The following CACHD1 variants were observed in gnomAD, a reference collection of about 807,000 sequenced individuals.
The protein encoded by CACHD1 is cache domain containing 1.
A neutral mutation model predicts 138.7 loss-of-function variants in CACHD1; 71 were observed. The ratio of observed to expected loss-of-function variants is 0.51; its 90% confidence interval spans 0.42 to 0.62. The LOEUF is 0.62. Ranked by LOEUF, CACHD1 falls within the 20% of genes least tolerant of loss-of-function variation. The pLI, the probability that CACHD1 is intolerant of heterozygous loss-of-function variation, is 0.00. For synonymous variants in CACHD1, 578 were observed against 591.5 expected (o/e 0.98, Z 0.33); for missense variants, 1,389 against 1,625.3 (o/e 0.85, Z 2.50).
intron 3 of CACHD1, among the ~76,000 whole-genome samples, chr1:64,599,062 A>G (rs926596050): frequency 5.3e-5 from 8 of 152,066 alleles, no homozygotes; most frequent in African/African-American, 1.9e-4. Flanking sequence ...CCTGTCACTG[A>G]GGTCACAGTG....
At chr1:64,494,171 T>C (rs1214394444) in intron 1 of CACHD1, among the ~76,000 whole-genome samples, 1 of 152,242 alleles carries the variant, frequency 6.6e-6, no homozygotes, top group African/African-American at 2.4e-5. Context: ...CCCACTTCTC[T>C]GAGCCCTAGT....
intron 1 of CACHD1, among the ~76,000 whole-genome samples, chr1:64,549,130 G>T (rs768777644): frequency 6.6e-6 from 1 of 152,140 alleles, no homozygotes; most frequent in Non-Finnish European, 1.5e-5. Context: ...TATCTGGATT[G>T]CCCTAGGCAC....
chr1:64,599,890 A>G (rs1459652518), intron 3 of CACHD1, among the ~76,000 whole-genome samples: 1 of 152,166 alleles, frequency 6.6e-6, no homozygotes, highest in African/African-American at 2.4e-5. Flanking sequence ...GACTTCATCC[A>G]GATAGACAAA....
At chr1:64,536,787 G>A (rs1041943674) in intron 1 of CACHD1, among the ~76,000 whole-genome samples, 1 of 152,182 alleles carries the variant, frequency 6.6e-6, no homozygotes, top group Non-Finnish European at 1.5e-5. Context: ...TTTAATACCA[G>A]CTACATTTAA....
chr1:64,678,019 A>T, intron 22 of CACHD1, 140 bp from the exon 23 acceptor site: 2 of 779,550 alleles, frequency 2.6e-6, no homozygotes, highest in Non-Finnish European at 3.9e-6. Flanking sequence ...CTCATTTTAT[A>T]AGGAAAGGAA....
chr1:64,527,729 T>A (rs1365265672), intron 1 of CACHD1, among the ~76,000 whole-genome samples: 1 of 152,232 alleles, frequency 6.6e-6, no homozygotes, highest in Admixed American at 6.5e-5. Context: ...AATATACAAA[T>A]CTATAAAAAG....
chr1:64,591,021 T>G (rs1647096165), intron 3 of CACHD1, among the ~76,000 whole-genome samples: 1 of 152,188 alleles, frequency 6.6e-6, no homozygotes, highest in East Asian at 1.9e-4. Flanking sequence ...TAGAAGTTTG[T>G]TTGGTTGTTT....
Position 64,586,166 on chromosome 1 carries a change from C to T in CACHD1, c.410+3862C>T, listed in dbSNP as rs532314728. Among the ~76,000 whole-genome samples, 18 of 152,276 alleles carry T rather than the reference C, an allele frequency of 1.2e-4. No individual in the cohort carries two copies. The South Asian group carries it at 1.2e-3, about 11-fold the overall frequency. ...TCAGCCTCCATCTACCAGGCTCAAG[C>T]GCTTCTCACGCCTCAGTCTCCCAAG... is the stretch of plus-strand genomic sequence containing the variant. On this transcript the variant is annotated intron_variant, in intron 3 of 26. Coordinates refer to ENST00000651257, the MANE Select transcript of CACHD1 (RefSeq NM_020925.4).
At chr1:64,514,664 CAGTA>C (rs749720589) in intron 1 of CACHD1, among the ~76,000 whole-genome samples, 4 of 152,142 alleles carry the variant, frequency 2.6e-5, no homozygotes, top group Non-Finnish European at 4.4e-5. Flanking sequence ...TAGTCTCCAG[CAGTA>C]GTTTAGCTTT....
chr1:64,549,063 T>C (rs1004821882), intron 1 of CACHD1, among the ~76,000 whole-genome samples: 11 of 152,188 alleles, frequency 7.2e-5, no homozygotes, highest in African/African-American at 2.7e-4. Flanking sequence ...TTTTTCATCT[T>C]TAAAGCTACA....
chr1:64,585,201 C>T (rs1647042603), intron 3 of CACHD1, among the ~76,000 whole-genome samples: 1 of 152,156 alleles, frequency 6.6e-6, no homozygotes. Flanking sequence ...GACATACATA[C>T]ACACATGCAT....
intron 16 of CACHD1, among the ~76,000 whole-genome samples, chr1:64,667,852 C>T (rs758324051): frequency 9.9e-5 from 15 of 152,150 alleles, no homozygotes; most frequent in Admixed American, 6.5e-4. Context: ...TCTGTCTAGA[C>T]ATATTCTTTT....
At chr1:64,527,596 T>G (rs74082820) in intron 1 of CACHD1, among the ~76,000 whole-genome samples, 3,942 of 152,258 alleles carry the variant, frequency 0.026, 177 homozygotes, top group African/African-American at 0.089. Context: ...TCCTGAAAAT[T>G]TTATATTCTT....
Position 64,593,078 on chromosome 1 carries a change from A to T in CACHD1, c.411-9728A>T, listed in dbSNP as rs1246116410. ...AAAGAAAACTTTTAGGAGAAAAATG[A>T]TGGATCCAGTATAAACATGCTGATT... On this transcript the variant is annotated intron_variant, in intron 3 of 26. Coordinates refer to ENST00000651257, the MANE Select transcript of CACHD1 (RefSeq NM_020925.4). Among the ~76,000 whole-genome samples the T allele has an allele frequency of 2.0e-5, 3 of 152,216 alleles. No individual in the cohort carries two copies. In the East Asian group the frequency reaches 5.8e-4, roughly 29 times the overall value.
At chr1:64,566,766 C>T (rs17126690) in intron 2 of CACHD1, among the ~76,000 whole-genome samples, 91,573 of 151,262 alleles carry the variant, frequency 0.61, 30,187 homozygotes, top group Non-Finnish European at 0.72. Context: ...AAAGCTGAAT[C>T]TGAATTTCTT....
chr1:64,665,818 C>T (rs1649611166), intron 15 of CACHD1, among the ~76,000 whole-genome samples: 1 of 151,888 alleles, frequency 6.6e-6, no homozygotes, highest in Non-Finnish European at 1.5e-5. Flanking sequence ...AGATCGAGAC[C>T]ACGGTGAAAC....
intron 1 of CACHD1, among the ~76,000 whole-genome samples, chr1:64,536,929 G>T (rs754974593): frequency 6.6e-6 from 1 of 152,244 alleles, no homozygotes; most frequent in East Asian, 1.9e-4. Flanking sequence ...TGAAATTCCC[G>T]TGAGGAAACA....
chr1:64,668,261 A>G (rs1207078814), intron 16 of CACHD1, among the ~76,000 whole-genome samples: 2 of 151,748 alleles, frequency 1.3e-5, no homozygotes, highest in Non-Finnish European at 2.9e-5. Context: ...CGGGAGGCGA[A>G]GGTTGCAGTG....
intron 1 of CACHD1, among the ~76,000 whole-genome samples, chr1:64,485,528 C>T (rs1302219157): frequency 1.3e-5 from 2 of 152,026 alleles, no homozygotes; most frequent in East Asian, 3.9e-4. Context: ...ACAGATATGC[C>T]ACAGTTTGCT....
Sources: gnomAD v4.1 joint callset for allele counts (sites outside exome capture counted in the v4.1 genomes callset) on GRCh38, gnomAD v4.1.1 for gene constraint, MANE v1.5 for transcripts, NCBI Gene and HGNC (gene_info 2026-07-23, HGNC 2026-07-21) for gene names.